Variants in POLA1 observed in about 807,000 individuals in gnomAD.
POLA1 encodes the protein DNA polymerase alpha catalytic subunit.
A neutral mutation model predicts 124.0 loss-of-function variants in POLA1; 15 were observed. The observed-to-expected ratio is 0.12, with a 90% CI of 0.08 to 0.19. POLA1 has a LOEUF of 0.19. POLA1 is among the 10% of genes least tolerant of loss of function. The pLI is 1.00. For synonymous variants in POLA1, 408 were observed against 389.4 expected, an observed-to-expected ratio of 1.05 and a Z score of -0.56; for missense variants, 886 against 1,103.4, an observed-to-expected ratio of 0.80 and a Z score of 2.79.
At chrX:24,803,611 C>A (rs905427958) in intron 26 of POLA1, among the ~76,000 whole-genome samples, 1 of 110,978 alleles carries the variant, frequency 9.0e-6, no homozygotes, top group Admixed American at 9.6e-5. Context: ...TATTTTACAA[C>A]CACATAGCCC....
At chrX:24,883,677 CTT>C (rs755502523) in intron 34 of POLA1, among the ~76,000 whole-genome samples, 2 of 112,183 alleles carry the variant, frequency 1.8e-5, no homozygotes, top group South Asian at 7.4e-4. Context: ...GACAGGCTGA[CTT>C]CACCTCTTTT....
At chrX:24,990,631 C>A (rs2048524474) in intron 36 of POLA1, among the ~76,000 whole-genome samples, 1 of 112,722 alleles carries the variant, frequency 8.9e-6, no homozygotes, top group Non-Finnish European at 1.9e-5. Flanking sequence ...AATGAATTAT[C>A]TCCATTAACT....
chrX:24,888,074 A>G lies in POLA1; in HGVS notation c.4116A>G (p.Arg1372=). The G allele has an allele frequency of 8.3e-7, 1 of 1,207,451 alleles. No individual in the cohort carries two copies. The highest frequency in any genetic ancestry group is 1.1e-6 in the Non-Finnish European group (1 of 891,962). Residue 1372 remains arginine (R), a synonymous_variant, in exon 35 of 37, where the codon CGA becomes CGG. Coordinates refer to ENST00000379068, the MANE Select transcript of POLA1 (RefSeq NM_001330360.2). ...RTRHLPLQFS[R]TGPLCPACMK... is the part of the protein sequence containing the mutation. Reference sequence around the variant, plus strand: ...GTCACCTTCCCCTTCAATTCTCCCGAACTGGGCCTCTTTGCCCAGCCTGCA... The same window carrying G: ...GTCACCTTCCCCTTCAATTCTCCCGGACTGGGCCTCTTTGCCCAGCCTGCA...
intron 36 of POLA1, among the ~76,000 whole-genome samples, chrX:24,984,654 CTTTTTTTTTT>C (rs72426448): frequency 6.4e-5 from 5 of 78,727 alleles, no homozygotes; most frequent in African/African-American, 1.0e-4. Flanking sequence ...ACCTTTTGCA[CTTTTTTTTTT>C]TTTTTTTTTT....
At chrX:24,986,707 A>G (rs2048484741) in intron 36 of POLA1, among the ~76,000 whole-genome samples, 1 of 110,625 alleles carries the variant, frequency 9.0e-6, no homozygotes, top group African/African-American at 3.3e-5. Context: ...CCAGCCTGAC[A>G]GAGTAAGACC....
chrX:24,700,946 T>TA (rs1928372852), intron 2 of POLA1, among the ~76,000 whole-genome samples: 2 of 111,904 alleles, frequency 1.8e-5, no homozygotes, highest in African/African-American at 6.5e-5. Context: ...TGCTGAGCAG[T>TA]AGTAATGTTG....
At chrX:24,987,715 C>T (rs747892249) in intron 36 of POLA1, among the ~76,000 whole-genome samples, 2 of 111,772 alleles carry the variant, frequency 1.8e-5, no homozygotes, top group East Asian at 2.8e-4. Context: ...CAAACAAATA[C>T]GGAACCCAAG....
At position 24,847,851 on chromosome X, in the gene POLA1, C is replaced by T. The variant is rs754100443; in HGVS notation, c.4047+4174C>T. On this transcript the variant is annotated intron_variant, in intron 34 of 36. Coordinates refer to ENST00000379068, the MANE Select transcript of POLA1 (RefSeq NM_001330360.2). ...TTTTTTTACATTGCTGTCAGATTGG[C>T]GGAAGACTTATTAGTGGCCTACAGG... 5.4e-5 allele frequency among the ~76,000 whole-genome samples: 6 copies of T among 111,920 alleles called. No homozygotes were observed. In the East Asian group the frequency reaches 8.4e-4, roughly 16 times the overall value.
intron 32 of POLA1, among the ~76,000 whole-genome samples, chrX:24,841,034 A>G (rs1292662336): frequency 8.9e-6 from 1 of 112,304 alleles, no homozygotes; most frequent in Non-Finnish European, 1.9e-5. Flanking sequence ...ATTCTCAGGG[A>G]CATTTTGGCC....
chrX:24,888,015 A>G lies in POLA1; in HGVS notation c.4057A>G (p.Ile1353Val). 1 of 1,194,006 alleles carries G rather than the reference A, an allele frequency of 8.4e-7. No individual in the cohort carries two copies. The highest frequency in any genetic ancestry group is 1.7e-5 in the African/African-American group (1 of 57,406). Residue 1353 changes from isoleucine (I) to valine (V), a missense_variant, in exon 35 of 37, where the codon ATA becomes GTA. Around this residue, in one of 7 missense-constraint regions of POLA1, gnomAD observed 313 missense variants for 359.7 expected, o/e 0.87. Transcript: ENST00000379068. ...FIKKYYDGWL[I>V]CEEPTCRNRT... is the part of the protein sequence containing the mutation. The stretch of plus-strand genomic sequence containing the variant: ...TTTCCCTTCTCTCCAGGGCTGGTTG[A>G]TATGTGAAGAGCCAACCTGTCGCAA...
intron 34 of POLA1, among the ~76,000 whole-genome samples, chrX:24,849,755 C>T (rs1380196900): frequency 8.2e-5 from 9 of 109,980 alleles, no homozygotes; most frequent in Non-Finnish European, 1.3e-4. Context: ...CTCAGCCTCC[C>T]GAGTAGCTGG....
chrX:24,806,064 T>G (rs1347641167), intron 26 of POLA1, among the ~76,000 whole-genome samples: 2 of 17,226 alleles, frequency 1.2e-4, no homozygotes, highest in Non-Finnish European at 2.3e-4. Context: ...TTTTTTTTTT[T>G]TTTTTTTTTT....
chrX:24,940,448 G>C (rs2047898897), intron 36 of POLA1, among the ~76,000 whole-genome samples: 1 of 111,597 alleles, frequency 9.0e-6, no homozygotes, highest in Non-Finnish European at 1.9e-5. Flanking sequence ...GGAGGAAAGG[G>C]CTTGTAATAC....
intron 36 of POLA1, among the ~76,000 whole-genome samples, chrX:24,932,287 T>G (rs2047794606): frequency 8.9e-6 from 1 of 112,608 alleles, no homozygotes; most frequent in African/African-American, 3.2e-5. Flanking sequence ...TATACGGCTC[T>G]AAAATTCTTA....
chrX:24,802,584 C>A (rs761811142), intron 26 of POLA1, among the ~76,000 whole-genome samples: 2 of 111,774 alleles, frequency 1.8e-5, no homozygotes, highest in African/African-American at 6.5e-5. Context: ...ATGCTAGAGA[C>A]AAGTAGGCCA....
At chrX:24,909,232 G>C (rs749560923) in intron 35 of POLA1, among the ~76,000 whole-genome samples, 2 of 111,572 alleles carry the variant, frequency 1.8e-5, no homozygotes, top group African/African-American at 6.5e-5. Context: ...AGAAGCTCTT[G>C]AGTTTAATTA....
intron 4 of POLA1, among the ~76,000 whole-genome samples, chrX:24,710,464 C>T (rs927495079): frequency 9.0e-6 from 1 of 111,701 alleles, no homozygotes; most frequent in Non-Finnish European, 1.9e-5. Flanking sequence ...GTACTTCATT[C>T]CTTTTTACTG....
At chrX:24,745,374 C>T in intron 23 of POLA1, 44 bp from the exon 24 acceptor site, 1 of 1,030,617 alleles carries the variant, frequency 9.7e-7, no homozygotes, top group Non-Finnish European at 1.3e-6. Context: ...TTTGACAATT[C>T]TGCTTTTCTT....
At chrX:24,787,651 G>A (rs2045392628) in intron 26 of POLA1, among the ~76,000 whole-genome samples, 1 of 111,737 alleles carries the variant, frequency 8.9e-6, no homozygotes, top group Non-Finnish European at 1.9e-5. Context: ...GGAGTGTGAT[G>A]CCTCCAGCTT....
Sources: gnomAD v4.1 joint callset for allele counts (sites outside exome capture counted in the v4.1 genomes callset) on GRCh38, gnomAD v4.1.1 for gene constraint, gnomAD v4.1.1 regional missense constraint, MANE v1.5 for transcripts, NCBI Gene and HGNC (gene_info 2026-07-23, HGNC 2026-07-21) for gene names.